Variants in LCT observed in about 807,000 individuals in gnomAD.
The protein encoded by LCT is lactase.
In LCT, 90 loss-of-function variants were observed where a neutral mutation model predicts 173.0. That is an observed-to-expected ratio of 0.52 (90% CI 0.44 to 0.62). The LOEUF (loss-of-function observed/expected upper bound fraction) is 0.62, where lower values mean the gene tolerates loss of function less well. LCT is among the 20% of genes least tolerant of loss of function. The pLI is 0.00. For synonymous variants in LCT, 853 were observed against 957.6 expected (o/e 0.89, Z 2.02); for missense variants, 1,864 against 2,431.4 (o/e 0.77, Z 4.91).
At chr2:135,798,435 C>T (rs1409654144) in intron 12 of LCT, among the ~76,000 whole-genome samples, 1 of 152,198 alleles carries the variant, frequency 6.6e-6, no homozygotes, top group African/African-American at 2.4e-5. Flanking sequence ...ACAAATGCTT[C>T]CTGGCTGCCC....
Position 135,797,455 on chromosome 2 carries a change from T to TGG in LCT, c.4976+572_4976+573dup, listed in dbSNP as rs538077071. On this transcript the variant is annotated intron_variant, in intron 13 of 16. Coordinates refer to ENST00000264162, the MANE Select transcript of LCT (RefSeq NM_002299.4). ...ATTCTCAAGCCCCCAGCATGCGCCC[T>TGG]GGGGGCCGACAGCTTGGCTGCAAAT... Among the ~76,000 whole-genome samples, 11 of 152,288 alleles carry TGG rather than the reference T, an allele frequency of 7.2e-5. No homozygotes were observed. The East Asian group carries it at 1.9e-3, about 27-fold the overall frequency.
In LCT at chr2:135,833,193, G is replaced by A. The variant is rs1575350808; in HGVS notation, c.641-3C>T. The stretch of plus-strand genomic sequence containing the variant: ...CAGGACAACAGAGAGTTTTCCGCCT[G>A]AAACCAACCAGAGACACGAACAGCA... On this transcript the variant is annotated splice_region_variant and splice_polypyrimidine_tract_variant and intron_variant, in intron 1 of 16. Transcript: ENST00000264162. 17 of 1,613,104 alleles carry A rather than the reference G, an allele frequency of 1.1e-5. No homozygotes were observed. In the East Asian group the frequency reaches 3.8e-4, roughly 36 times the overall value.
At chr2:135,801,719 G>A (rs563120927) in intron 11 of LCT, among the ~76,000 whole-genome samples, 68 of 150,536 alleles carry the variant, frequency 4.5e-4, no homozygotes, top group Admixed American at 9.3e-4. Context: ...GACTGCAGGC[G>A]CATGCCACCA....
intron 1 of LCT, among the ~76,000 whole-genome samples, chr2:135,834,323 C>T (rs569215291): frequency 4.8e-4 from 73 of 151,838 alleles, no homozygotes; most frequent in South Asian, 8.3e-4. Flanking sequence ...GTAGCTGGGA[C>T]TACAGACACG....
chr2:135,834,787 C>CAAAAAAAAAAAAAAAAAAAAAAAA (rs60298631), intron 1 of LCT, among the ~76,000 whole-genome samples: 2 of 34,180 alleles, frequency 5.9e-5, no homozygotes, highest in Non-Finnish European at 9.9e-5. Flanking sequence ...GACTCCATCT[C>CAAAAAAAAAAAAAAAAAAAAAAAA]AAAAAAAAAA....
intron 1 of LCT, among the ~76,000 whole-genome samples, chr2:135,835,976 G>GTGTATGTA (rs1553436126): frequency 2.2e-4 from 18 of 80,462 alleles, no homozygotes; most frequent in Non-Finnish European, 2.3e-4. Context: ...ATACATGTGT[G>GTGTATGTA]TATATATATA....
intron 2 of LCT, among the ~76,000 whole-genome samples, chr2:135,832,616 C>T (rs1348690828): frequency 6.6e-6 from 1 of 151,556 alleles, no homozygotes; most frequent in Non-Finnish European, 1.5e-5. Flanking sequence ...TCCCGAGCAG[C>T]TGGAACTACA....
chr2:135,813,861 T>C (rs2077756044), intron 6 of LCT, among the ~76,000 whole-genome samples: 1 of 152,248 alleles, frequency 6.6e-6, no homozygotes, highest in South Asian at 2.1e-4. Context: ...AGGAGTTTCT[T>C]TGTAGACTTA....
At chr2:135,795,502 C>A (rs1268317721) in intron 13 of LCT, among the ~76,000 whole-genome samples, 1 of 152,018 alleles carries the variant, frequency 6.6e-6, no homozygotes. Context: ...AGCCACCACA[C>A]CCGGCCCTGT....
chr2:135,828,216 G>T (rs573567048), intron 3 of LCT, among the ~76,000 whole-genome samples: 2 of 152,092 alleles, frequency 1.3e-5, no homozygotes, highest in Admixed American at 1.3e-4. Context: ...GTAGAGATGG[G>T]TTTTTGCCAT....
chr2:135,837,109 C>G lies in LCT; in HGVS notation c.61G>C (p.Asp21His). The change falls in exon 1 of 17, where the codon GAC becomes CAC. Residue 21 changes from aspartate to histidine, a missense_variant. Physicochemically the swap from Asp to His is moderately conservative, Grantham distance 81. Coordinates refer to ENST00000264162, the MANE Select transcript of LCT (RefSeq NM_002299.4). The part of the protein sequence containing the change: ...ALLSFSCWGS[D>H]WESDRNFIST... Reference sequence around the variant, plus strand: ...ATGAAATTTCTATCAGACTCCCAGTCTGACCCCCAGCATGAAAAACTTAGC... The same window carrying G: ...ATGAAATTTCTATCAGACTCCCAGTGTGACCCCCAGCATGAAAAACTTAGC... 1 of 1,614,040 alleles carries G rather than the reference C, an allele frequency of 6.2e-7. No individual in the cohort carries two copies.
At chr2:135,827,648 C>T (rs960319336) in intron 3 of LCT, among the ~76,000 whole-genome samples, 2 of 152,128 alleles carry the variant, frequency 1.3e-5, no homozygotes, top group Non-Finnish European at 1.5e-5. Context: ...ATAAGGAGCA[C>T]GCAACCTGGA....
intron 3 of LCT, among the ~76,000 whole-genome samples, chr2:135,829,269 CA>C (rs2077913695): frequency 6.6e-6 from 1 of 152,106 alleles, no homozygotes; most frequent in South Asian, 2.1e-4. Flanking sequence ...ATGGAACCAT[CA>C]CCCCCATTGA....
chr2:135,802,145 A>C (rs2077632878), intron 11 of LCT, among the ~76,000 whole-genome samples: 1 of 152,132 alleles, frequency 6.6e-6, no homozygotes, highest in South Asian at 2.1e-4. Context: ...GCGAACTAGG[A>C]CCAATGGAGA....
intron 3 of LCT, among the ~76,000 whole-genome samples, chr2:135,825,239 A>G (rs2322813): frequency 0.17 from 26,508 of 152,054 alleles, 2,661 homozygotes; most frequent in Middle Eastern, 0.4. Flanking sequence ...AATAGTAACC[A>G]CTTTAAAAGG....
chr2:135,802,294 C>T (rs2077633812), intron 11 of LCT, among the ~76,000 whole-genome samples: 1 of 152,148 alleles, frequency 6.6e-6, no homozygotes, highest in Non-Finnish European at 1.5e-5. Flanking sequence ...GGATGGTTCT[C>T]AAGGCACAAA....
chr2:135,831,789 C>T (rs1017305630), intron 2 of LCT, among the ~76,000 whole-genome samples: 2 of 152,198 alleles, frequency 1.3e-5, no homozygotes, highest in Non-Finnish European at 2.9e-5. Flanking sequence ...AGCAGCACAA[C>T]ATCTCTACAG....
In LCT at chr2:135,794,725, T is replaced by C; in HGVS notation, c.5027A>G (p.Asp1676Gly). The C allele has an allele frequency of 6.2e-7, 1 of 1,614,092 alleles. No individual in the cohort carries two copies. Among genetic ancestry groups the C allele is most frequent in the Non-Finnish European group, 8.5e-7 (1 of 1,179,970 alleles). ...SEKRRINGTY[D>G]FFGFNHYTTV... ...GGTGTAGTGATTGAACCCAAAAAAG[T>C]CATAGGTGCCGTTGATCCTCCTCTT... Residue 1676 changes from aspartate to glycine, a missense_variant, in exon 14 of 17, where the codon GAC becomes GGC. Transcript: ENST00000264162.
rs2077657514 is a variant in LCT at position 135,804,925 on chromosome 2, G to C, written c.4306C>G (p.Leu1436Val). ...ACGCCCAGGTTCTGCAGGGTGACCA[G>C]ATCCTCAGCAATCTTGTGATAACTG... The part of the protein sequence containing the change: ...CDSYHKIAED[L>V]VTLQNLGVSH... Residue 1436 changes from leucine to valine, a missense_variant, in exon 10 of 17, where the codon CTG (leucine) becomes GTG (valine). Around this residue, in one of 4 missense-constraint regions of LCT, gnomAD observed 514 missense variants for 750.1 expected, o/e 0.69. Transcript: ENST00000264162. 6.2e-7 allele frequency: 1 copy of C among 1,614,192 alleles called. No individual in the cohort carries two copies.
Sources: gnomAD v4.1 joint callset for allele counts (sites outside exome capture counted in the v4.1 genomes callset) on GRCh38, gnomAD v4.1.1 for gene constraint, gnomAD v4.1.1 regional missense constraint, MANE v1.5 for transcripts, NCBI Gene and HGNC (gene_info 2026-07-23, HGNC 2026-07-21) for gene names.